CHSY1: variants seen among roughly 807,000 people sequenced by gnomAD.
CHSY1 encodes the protein N-acetylgalactosaminyl-proteoglycan 3-beta-glucuronosyltransferase 1.
CHSY1 carries 13 observed loss-of-function variants against 59.8 expected under a neutral mutation model. That is an observed-to-expected ratio of 0.22 (90% CI 0.14 to 0.35). The LOEUF (loss-of-function observed/expected upper bound fraction) is 0.35, where lower values mean the gene tolerates loss of function less well. Ranked by LOEUF, CHSY1 falls within the 10% of genes least tolerant of loss-of-function variation. The pLI, the probability that CHSY1 is intolerant of heterozygous loss-of-function variation, is 1.00. For missense variants in CHSY1, 947 were observed against 1,030.6 expected, an observed-to-expected ratio of 0.92 and a Z score of 1.11; for synonymous variants, 459 against 401.2, an observed-to-expected ratio of 1.14 and a Z score of -1.72.
chr15:101,218,641 G>A (rs1404754518), intron 2 of CHSY1, among the ~76,000 whole-genome samples: 1 of 152,142 alleles, frequency 6.6e-6, no homozygotes, highest in Non-Finnish European at 1.5e-5. Context: ...CAGGCTGGGC[G>A]TGGTGGCTCA....
rs746911502 is a variant in CHSY1 at position 101,178,792 on chromosome 15, G to T, written c.1005C>A (p.His335Gln). Residue 335 changes from histidine (H) to glutamine (Q), a missense_variant, in exon 3 of 3, where the codon CAC (histidine) becomes CAA (glutamine). His to Gln is a conservative substitution (Grantham distance 24, BLOSUM62 0). Transcript: ENST00000254190. ...SELRHRTIQL[H>Q]REIVLMSKYS... ...ATTTGCTCATCAGGACAATTTCGCG[G>T]TGCAGCTGTATTGTGCGATGGCGGA... 6.2e-7 allele frequency: 1 copy of T among 1,614,198 alleles called. No individual in the cohort carries two copies. Among genetic ancestry groups the T allele is most frequent in the East Asian group, 2.2e-5 (1 of 44,888 alleles).
At chr15:101,190,101 A>G (rs2038425290) in intron 2 of CHSY1, among the ~76,000 whole-genome samples, 1 of 152,216 alleles carries the variant, frequency 6.6e-6, no homozygotes, top group Admixed American at 6.5e-5. Flanking sequence ...TGAAGACTCC[A>G]CGTCTGCCAT....
At chr15:101,250,244 A>G (rs2039093004) in intron 1 of CHSY1, among the ~76,000 whole-genome samples, 1 of 152,228 alleles carries the variant, frequency 6.6e-6, no homozygotes, top group Non-Finnish European at 1.5e-5. Flanking sequence ...AACTTTATCC[A>G]TACAGTAAGT....
chr15:101,203,031 T>C (rs2038589248), intron 2 of CHSY1, among the ~76,000 whole-genome samples: 1 of 152,160 alleles, frequency 6.6e-6, no homozygotes, highest in Non-Finnish European at 1.5e-5. Context: ...CATATAAAAA[T>C]AAAAATGTGA....
intron 2 of CHSY1, among the ~76,000 whole-genome samples, chr15:101,206,138 A>C (rs1008123921): frequency 2.0e-5 from 3 of 152,186 alleles, no homozygotes; most frequent in African/African-American, 7.2e-5. Context: ...GTTTAATTTC[A>C]AACTCCAATC....
chr15:101,236,068 GAAT>G (rs2038938297), intron 1 of CHSY1, among the ~76,000 whole-genome samples: 1 of 152,140 alleles, frequency 6.6e-6, no homozygotes, highest in African/African-American at 2.4e-5. Context: ...ACACTTACCA[GAAT>G]AATGAGACTA....
At chr15:101,215,591 C>G (rs1279106120) in intron 2 of CHSY1, among the ~76,000 whole-genome samples, 1 of 152,124 alleles carries the variant, frequency 6.6e-6, no homozygotes, top group Admixed American at 6.5e-5. Flanking sequence ...AAAAATTAGC[C>G]AGGCGTGGTA....
At chr15:101,195,859 G>C (rs1219666317) in intron 2 of CHSY1, among the ~76,000 whole-genome samples, 1 of 150,168 alleles carries the variant, frequency 6.7e-6, no homozygotes, top group Non-Finnish European at 1.5e-5. Context: ...CCAGGGAGGA[G>C]GTAATTGCAG....
intron 2 of CHSY1, chr15:101,186,621 T>G (rs375464578): frequency 6.6e-6 from 1 of 151,880 alleles, no homozygotes; most frequent in East Asian, 1.9e-4. Flanking sequence ...TTGGGCAACA[T>G]GGTGAAATCC....
chr15:101,247,801 T>C (rs1038310850), intron 1 of CHSY1, among the ~76,000 whole-genome samples: 1 of 152,190 alleles, frequency 6.6e-6, no homozygotes, highest in African/African-American at 2.4e-5. Context: ...AGTAAAAATG[T>C]GTAATGATGG....
intron 1 of CHSY1, among the ~76,000 whole-genome samples, chr15:101,250,745 G>A (rs2039099108): frequency 6.6e-6 from 1 of 152,188 alleles, no homozygotes; most frequent in Non-Finnish European, 1.5e-5. Context: ...GCACATTTTA[G>A]GGAATCCAGT....
intron 1 of CHSY1, among the ~76,000 whole-genome samples, chr15:101,249,635 T>C (rs1019848179): frequency 6.7e-6 from 1 of 149,304 alleles, no homozygotes; most frequent in African/African-American, 2.5e-5. Context: ...TGCCTCAGCC[T>C]CCTGAGTGGC....
At chr15:101,227,438 A>C (rs1450394368) in intron 2 of CHSY1, among the ~76,000 whole-genome samples, 1 of 152,218 alleles carries the variant, frequency 6.6e-6, no homozygotes, top group Non-Finnish European at 1.5e-5. Flanking sequence ...AGCACTGCCC[A>C]AGGGGATGGC....
At chr15:101,202,932 A>G (rs1440292158) in intron 2 of CHSY1, among the ~76,000 whole-genome samples, 2 of 152,212 alleles carry the variant, frequency 1.3e-5, no homozygotes, top group African/African-American at 4.8e-5. Context: ...CTGGATGTAG[A>G]CCTAAATTCC....
intron 2 of CHSY1, among the ~76,000 whole-genome samples, chr15:101,225,288 G>C (rs550444200): frequency 1.5e-3 from 224 of 151,620 alleles, no homozygotes; most frequent in African/African-American, 5.0e-3. Context: ...GGCTGGTCTT[G>C]AACTCCTGGG....
chr15:101,208,422 G>C (rs2038649216), intron 2 of CHSY1, among the ~76,000 whole-genome samples: 2 of 152,058 alleles, frequency 1.3e-5, no homozygotes, highest in Admixed American at 1.3e-4. Flanking sequence ...ATATCAAAAA[G>C]ATACAGAAGG....
At chr15:101,205,691 C>T (rs1348947068) in intron 2 of CHSY1, among the ~76,000 whole-genome samples, 2 of 152,298 alleles carry the variant, frequency 1.3e-5, no homozygotes, top group African/African-American at 4.8e-5. Context: ...GTGGCTCACA[C>T]CTGTAATCCC....
intron 1 of CHSY1, chr15:101,242,655 G>A (rs1416796018): frequency 6.6e-6 from 1 of 152,388 alleles, no homozygotes; most frequent in Non-Finnish European, 1.5e-5. Context: ...AGAAAAGGGA[G>A]GGGTCTTTCA....
chr15:101,213,782 G>A lies in CHSY1; in HGVS notation c.816+21300C>T, dbSNP rs980870315. Among the ~76,000 whole-genome samples the A allele has an allele frequency of 3.3e-5, 5 of 152,310 alleles. No homozygotes were observed. The East Asian group carries it at 5.8e-4, about 18-fold the overall frequency. ...AAGATGAAACAGAAGATACAGGTAC[G>A]AAGAAAAGCAAACTCCCACATTACA... On this transcript the variant is annotated intron_variant, in intron 2 of 2. Coordinates refer to ENST00000254190, the MANE Select transcript of CHSY1 (RefSeq NM_014918.5).
Sources: gnomAD v4.1 joint callset for allele counts (sites outside exome capture counted in the v4.1 genomes callset) on GRCh38, gnomAD v4.1.1 for gene constraint, MANE v1.5 for transcripts, NCBI Gene and HGNC (gene_info 2026-07-23, HGNC 2026-07-21) for gene names.